COL4A1: variants seen among roughly 807,000 people sequenced by gnomAD.
COL4A1 encodes the protein collagen alpha-1(IV) chain.
In COL4A1, 40 loss-of-function variants were observed where a neutral mutation model predicts 216.6. The observed-to-expected ratio is 0.18, with a 90% confidence interval of 0.14 to 0.24. The LOEUF is 0.24. Ranked by LOEUF, COL4A1 falls within the 10% of genes least tolerant of loss-of-function variation. COL4A1 has a pLI of 1.00. For missense variants in COL4A1, 1,628 were observed against 2,196.8 expected (o/e 0.74, Z 5.18); for synonymous variants, 839 against 810.7 (o/e 1.03, Z -0.59).
At chr13:110,248,152 G>C (rs111632812) in intron 1 of COL4A1, among the ~76,000 whole-genome samples, 1 of 152,100 alleles carries the variant, frequency 6.6e-6, no homozygotes, top group African/African-American at 2.4e-5. Context: ...TGATACTGCC[G>C]TCGAGGGCTC....
At chr13:110,206,752 T>C in intron 14 of COL4A1, 37 bp from the exon 15 acceptor site, 3 of 1,612,364 alleles carry the variant, frequency 1.9e-6, no homozygotes, top group Non-Finnish European at 2.5e-6. Context: ...TTTATTCGTC[T>C]ATTTAAGCAA....
At chr13:110,218,057 A>G (rs1173826072) in intron 2 of COL4A1, among the ~76,000 whole-genome samples, 1 of 152,250 alleles carries the variant, frequency 6.6e-6, no homozygotes, top group African/African-American at 2.4e-5. Flanking sequence ...TAGCTAAGTC[A>G]GAAATTCAAA....
At chr13:110,303,746 G>A (rs764575133) in intron 1 of COL4A1, among the ~76,000 whole-genome samples, 27 of 152,172 alleles carry the variant, frequency 1.8e-4, no homozygotes, top group Non-Finnish European at 3.5e-4. Context: ...ACTTGGATTC[G>A]TCTGTTTCTT....
chr13:110,292,623 T>C (rs1884131012), intron 1 of COL4A1, among the ~76,000 whole-genome samples: 2 of 152,192 alleles, frequency 1.3e-5, no homozygotes, highest in South Asian at 2.1e-4. Flanking sequence ...ATGTCTTACA[T>C]GGTAGCAGGA....
intron 1 of COL4A1, among the ~76,000 whole-genome samples, chr13:110,299,656 T>C (rs1884417198): frequency 6.6e-6 from 1 of 152,190 alleles, no homozygotes; most frequent in Admixed American, 6.5e-5. Context: ...CCCTGGACTG[T>C]CTCCTCTCTG....
At chr13:110,230,882 G>T (rs1046494730) in intron 2 of COL4A1, among the ~76,000 whole-genome samples, 16 of 152,192 alleles carry the variant, frequency 1.1e-4, no homozygotes, top group Non-Finnish European at 2.1e-4. Flanking sequence ...CTGATGTGTG[G>T]TCCAGGCAGG....
chr13:110,245,076 T>C (rs1881735172), intron 1 of COL4A1, among the ~76,000 whole-genome samples: 1 of 152,152 alleles, frequency 6.6e-6, no homozygotes, highest in Non-Finnish European at 1.5e-5. Flanking sequence ...AGTGCATTCG[T>C]GCACAACAGC....
intron 1 of COL4A1, among the ~76,000 whole-genome samples, chr13:110,275,326 G>A (rs1883389493): frequency 6.6e-6 from 1 of 152,162 alleles, no homozygotes; most frequent in Non-Finnish European, 1.5e-5. Context: ...CATAGGTTAT[G>A]GGGAAAATGC....
intron 2 of COL4A1, among the ~76,000 whole-genome samples, chr13:110,223,635 G>A (rs1239299686): frequency 1.3e-5 from 2 of 152,236 alleles, no homozygotes; most frequent in Non-Finnish European, 2.9e-5. Context: ...GGTGTGGATG[G>A]TTGTGCATGT....
At position 110,166,357 on chromosome 13, in the gene COL4A1, T is replaced by C. The variant is rs1210823983; in HGVS notation, c.3950-54A>G. On this transcript the variant is annotated intron_variant, in intron 44 of 51. Transcript: ENST00000375820. ...CACAGAATTCCCAATGATATACAAA[T>C]ATGTGTGTGTATATATCTCTCTCTA... 2.8e-6 allele frequency: 3 copies of C among 1,066,542 alleles called. No homozygotes were observed. In the African/African-American group the frequency reaches 4.7e-5, roughly 17 times the overall value. 66.1% of individuals were successfully genotyped at this position (1,066,542 alleles called of 1,614,324 possible).
intron 1 of COL4A1, among the ~76,000 whole-genome samples, chr13:110,251,064 T>G (rs569179933): frequency 5.3e-5 from 8 of 152,340 alleles, no homozygotes; most frequent in African/African-American, 1.9e-4. Flanking sequence ...CAGTGCCTAT[T>G]TTACAGGCAC....
chr13:110,192,172 G>A, intron 24 of COL4A1, 42 bp downstream of exon 24: 1 of 1,596,622 alleles, frequency 6.3e-7, no homozygotes, highest in Non-Finnish European at 8.6e-7. Flanking sequence ...GTGCTTGGTG[G>A]CAACTTCTGA....
intron 1 of COL4A1, among the ~76,000 whole-genome samples, chr13:110,253,287 T>C (rs1200823825): frequency 2.0e-5 from 2 of 98,710 alleles, no homozygotes; most frequent in African/African-American, 6.8e-5. Flanking sequence ...TTATATGTAT[T>C]ACATATACAT....
rs993522571 is a variant in COL4A1, at chr13:110,268,840, A to T, written c.85-26106T>A. 7.6e-4 allele frequency among the ~76,000 whole-genome samples: 116 copies of T among 152,200 alleles called. No homozygotes were observed. The highest frequency in any genetic ancestry group is 2.0e-3 in the Admixed American group (31 of 15,286). ...CCCATCTTCCAGCCGAGGGCAGGTG[A>T]GACACAAGGAGGAGGGGACTTGTTT... On this transcript the variant is annotated intron_variant, in intron 1 of 51. Coordinates refer to ENST00000375820, the MANE Select transcript of COL4A1 (RefSeq NM_001845.6). The surrounding 1 kb of genome is among the most constrained non-coding windows in gnomAD (Gnocchi z 4.1).
intron 49 of COL4A1, among the ~76,000 whole-genome samples, chr13:110,157,684 T>G (rs1406648895): frequency 6.6e-6 from 1 of 152,206 alleles, no homozygotes; most frequent in Non-Finnish European, 1.5e-5. Flanking sequence ...TTTCAGGACT[T>G]TCTGGTCCAA....
At chr13:110,277,246 TA>T (rs1883466486) in intron 1 of COL4A1, among the ~76,000 whole-genome samples, 1 of 152,262 alleles carries the variant, frequency 6.6e-6, no homozygotes, top group African/African-American at 2.4e-5. Context: ...TCATCAATGT[TA>T]ACACATTTCA....
chr13:110,200,864 G>C lies in COL4A1; in HGVS notation c.1110C>G (p.Pro370=). Residue 370 remains proline, a synonymous_variant, in exon 20 of 52, where the codon CCC becomes CCG. Transcript: ENST00000375820. ...PKGFPGLPGQ[P]GPPGLPVPGQ... ...GTTAAGGAGTCTCACCTGGAGGTCCGGGTTGGCCTGGTAGTCCTGGGAAAC... is the reference window on the plus strand; with the variant it reads ...GTTAAGGAGTCTCACCTGGAGGTCCCGGTTGGCCTGGTAGTCCTGGGAAAC... 3 of 1,614,134 alleles carry C rather than the reference G, an allele frequency of 1.9e-6. No homozygotes were observed. Among genetic ancestry groups the C allele is most frequent in the Non-Finnish European group, 1.7e-6 (2 of 1,180,006 alleles).
In COL4A1 at chr13:110,211,219, G is replaced by C. The variant is rs374033518; in HGVS notation, c.468+428C>G. 6.6e-6 allele frequency among the ~76,000 whole-genome samples: 1 copy of C among 152,170 alleles called. No individual in the cohort carries two copies. The highest frequency in any genetic ancestry group is 6.5e-5 in the Admixed American group (1 of 15,284). On this transcript the variant is annotated intron_variant, in intron 8 of 51. Coordinates refer to ENST00000375820, the MANE Select transcript of COL4A1 (RefSeq NM_001845.6). The surrounding 1 kb of genome is among the most constrained non-coding windows in gnomAD (Gnocchi z 4.3). ...GGTCCCCGCCCTGTGCCCAAGCACA[G>C]CCGACACATTACATGACTGCACAGT... is the stretch of plus-strand genomic sequence containing the variant.
At chr13:110,264,966 T>C (rs971125810) in intron 1 of COL4A1, among the ~76,000 whole-genome samples, 1 of 152,262 alleles carries the variant, frequency 6.6e-6, no homozygotes, top group African/African-American at 2.4e-5. Flanking sequence ...GAGGGCTTTC[T>C]TCCCCTCCTT....
Sources: allele counts gnomAD v4.1 joint callset (sites outside exome capture counted in the v4.1 genomes callset), GRCh38; gene constraint gnomAD v4.1.1; non-coding constraint Gnocchi (gnomAD v3.1); transcripts MANE v1.5; gene names NCBI Gene and HGNC (gene_info 2026-07-23, HGNC 2026-07-21).